Variants in CLIP2 observed in about 807,000 individuals in gnomAD.
CLIP2 encodes the protein CAP-Gly domain containing linker protein 2.
In CLIP2, 41 loss-of-function variants were observed where a neutral mutation model predicts 111.7. That is an observed-to-expected ratio of 0.37 (90% CI 0.29 to 0.48). The LOEUF (loss-of-function observed/expected upper bound fraction) is 0.48. Ranked by LOEUF, CLIP2 falls within the 20% of genes least tolerant of loss-of-function variation. The pLI, the probability that CLIP2 is intolerant of heterozygous loss-of-function variation, is 0.99. For synonymous variants in CLIP2, 660 were observed against 644.2 expected (o/e 1.02, Z -0.37); for missense variants, 1,160 against 1,422.1 (o/e 0.82, Z 2.96).
intron 2 of CLIP2, among the ~76,000 whole-genome samples, chr7:74,319,992 C>T (rs558410563): frequency 3.8e-4 from 58 of 150,906 alleles, no homozygotes; most frequent in South Asian, 1.0e-3. Flanking sequence ...GAGGCTGAGG[C>T]GGGAGGATCA....
At position 74,376,471 on chromosome 7, in the gene CLIP2, G is replaced by A; in HGVS notation, c.2070G>A (p.Gln690=). The change falls in exon 10 of 17, where the codon CAG becomes CAA. Residue 690 remains glutamine (Q), a synonymous_variant. Transcript: ENST00000223398. This position sits in a 1 kb window ranked among gnomAD's most constrained non-coding sequence, Gnocchi z 7.1. ...KEKEALREKL[Q]EAQEELAGLQ... is the part of the protein sequence containing the mutation. ...AGGAGGCCCTGCGAGAGAAGCTGCA[G>A]GAGGCCCAGGAGGAGCTGGCTGGGC... 6.2e-7 allele frequency: 1 copy of A among 1,613,210 alleles called. No individual in the cohort carries two copies. The highest frequency in any genetic ancestry group is 2.2e-5 in the East Asian group (1 of 44,862).
chr7:74,289,759 G>A (rs1787957335), intron 1 of CLIP2, 25 bp downstream of exon 1: 1 of 152,370 alleles, frequency 6.6e-6, no homozygotes. Flanking sequence ...AGGGGCCGAG[G>A]GAGGGGGTCG....
chr7:74,376,567 G>A lies in CLIP2; in HGVS notation c.2166G>A (p.Gln722=), dbSNP rs1790795881. ...ACCGGCTGGAGCTGCAGGAGGCCCA[G>A]GACCAGCGCCGGGATGCCGAGCTGC... ...SQHRLELQEA[Q]DQRRDAELRV... Residue 722 remains glutamine (Q), a synonymous_variant, in exon 10 of 17, where the codon CAG becomes CAA. Transcript: ENST00000223398. The surrounding 1 kb of genome is among the most constrained non-coding windows in gnomAD (Gnocchi z 7.1). 6 of 1,608,830 alleles carry A rather than the reference G, an allele frequency of 3.7e-6. No individual in the cohort carries two copies. In the East Asian group the frequency reaches 1.1e-4, roughly 30 times the overall value.
intron 6 of CLIP2, among the ~76,000 whole-genome samples, chr7:74,357,844 C>T (rs1790192765): frequency 6.6e-6 from 1 of 151,648 alleles, no homozygotes; most frequent in South Asian, 2.1e-4. Flanking sequence ...GCAACCTCCA[C>T]CTCCTCGGTT....
intron 7 of CLIP2, among the ~76,000 whole-genome samples, chr7:74,362,492 C>T (rs1247751975): frequency 3.3e-5 from 5 of 151,690 alleles, no homozygotes; most frequent in African/African-American, 9.7e-5. Flanking sequence ...ATGTGCCTGA[C>T]GCCAACAAAC....
intron 6 of CLIP2, among the ~76,000 whole-genome samples, chr7:74,358,998 T>G (rs1790234799): frequency 6.6e-6 from 1 of 152,174 alleles, no homozygotes; most frequent in Non-Finnish European, 1.5e-5. Flanking sequence ...AGAGTCTCGC[T>G]CTGTCACCCA....
chr7:74,385,464 CAA>C (rs147539922), intron 11 of CLIP2, among the ~76,000 whole-genome samples: 72 of 71,190 alleles, frequency 1.0e-3, no homozygotes, highest in Admixed American at 1.7e-3. Context: ...TAACCTGTCT[CAA>C]AAAAAAAAAA....
At chr7:74,392,800 A>G (rs1246303748) in intron 13 of CLIP2, among the ~76,000 whole-genome samples, 1 of 152,186 alleles carries the variant, frequency 6.6e-6, no homozygotes, top group Non-Finnish European at 1.5e-5. Context: ...CCTGGGCAAC[A>G]AGAGTGAAAC....
chr7:74,293,012 C>T (rs1554725603), intron 1 of CLIP2, among the ~76,000 whole-genome samples: 1 of 152,224 alleles, frequency 6.6e-6, no homozygotes, highest in East Asian at 1.9e-4. Context: ...CAGCTCTCCC[C>T]ATGCTCCCAG....
chr7:74,330,360 G>A (rs868978378), intron 2 of CLIP2, among the ~76,000 whole-genome samples: 14 of 150,342 alleles, frequency 9.3e-5, no homozygotes, highest in Admixed American at 3.3e-4. Context: ...AAGTTCAAGC[G>A]ATTCTCCTTC....
In CLIP2 at chr7:74,397,172, G is replaced by A. The variant is rs782038318; in HGVS notation, c.2819G>A (p.Arg940Gln). The A allele has an allele frequency of 1.1e-4, 177 of 1,613,792 alleles. 1 individual carries two copies. Among genetic ancestry groups the A allele is most frequent in the Non-Finnish European group, 6.7e-5 (79 of 1,180,002 alleles). ...LSREVHKAEWRIKEQKLKDDI... is the reference protein window; with the variant it reads ...LSREVHKAEWQIKEQKLKDDI... ...CGTGAGGTACACAAGGCTGAGTGGC[G>A]GATCAAGGAGCAGAAACTCAAGGAT... Residue 940 changes from arginine to glutamine, a missense_variant, in exon 14 of 17, where the codon CGG becomes CAG. Around this residue, in one of 5 missense-constraint regions of CLIP2, gnomAD observed 676 missense variants for 777.8 expected, o/e 0.87. Coordinates refer to ENST00000223398, the MANE Select transcript of CLIP2 (RefSeq NM_003388.5).
chr7:74,321,802 C>T (rs1359205312), intron 2 of CLIP2, among the ~76,000 whole-genome samples: 2 of 151,496 alleles, frequency 1.3e-5, no homozygotes, highest in African/African-American at 2.4e-5. Context: ...AAAAAATAAG[C>T]GTGCAGTGTT....
chr7:74,393,699 A>ATTTT (rs2116699227), intron 13 of CLIP2, among the ~76,000 whole-genome samples: 1 of 152,322 alleles, frequency 6.6e-6, no homozygotes, highest in African/African-American at 2.4e-5. Flanking sequence ...CTTTTGTAAA[A>ATTTT]GAAGAAATGC....
chr7:74,376,969 A>AGAG lies in CLIP2; in HGVS notation c.2421+157_2421+159dup. The AGAG allele has an allele frequency of 1.2e-6, 1 of 808,476 alleles. No individual in the cohort carries two copies. Among genetic ancestry groups the AGAG allele is most frequent in the Non-Finnish European group, 1.9e-6 (1 of 528,244 alleles). 50.1% of individuals were successfully genotyped at this position (808,476 alleles called of 1,614,324 possible). On this transcript the variant is annotated intron_variant, in intron 10 of 16. Coordinates refer to ENST00000223398, the MANE Select transcript of CLIP2 (RefSeq NM_003388.5). The surrounding 1 kb of genome is among the most constrained non-coding windows in gnomAD (Gnocchi z 7.1). ...AGTCAAGGAAGGGGTCACCTGGCTT[A>AGAG]GAGGAGGAGGAGCTCCTTGGCCCTC...
rs192162919 is a variant in CLIP2 at position 74,371,323 on chromosome 7, G to A, written c.1381-1609G>A. Among the ~76,000 whole-genome samples the A allele has an allele frequency of 1.4e-3, 209 of 151,400 alleles. 1 individual carries two copies. Among genetic ancestry groups the A allele is most frequent in the Middle Eastern group, 3.4e-3 (1 of 292 alleles). The stretch of plus-strand genomic sequence containing the variant: ...CGAATGAAGTTGCCCTTGAAATTGC[G>A]AAGCTGGAGGCTTTTTCTTGCCTGT... On this transcript the variant is annotated intron_variant, in intron 8 of 16. Coordinates refer to ENST00000223398, the MANE Select transcript of CLIP2 (RefSeq NM_003388.5).
intron 7 of CLIP2, among the ~76,000 whole-genome samples, chr7:74,362,522 T>C (rs1790359687): frequency 1.0e-5 from 1 of 96,266 alleles, no homozygotes; most frequent in African/African-American, 4.3e-5. Flanking sequence ...TTTTTCTTTT[T>C]CTTTTCTTTT....
intron 8 of CLIP2, among the ~76,000 whole-genome samples, chr7:74,368,990 T>C (rs1554311365): frequency 5.9e-5 from 9 of 151,808 alleles, no homozygotes. Context: ...GGTGGGAGGG[T>C]GGTCACTTGA....
At chr7:74,349,452 G>T (rs1405100834) in intron 3 of CLIP2, among the ~76,000 whole-genome samples, 2 of 58,838 alleles carry the variant, frequency 3.4e-5, no homozygotes, top group East Asian at 5.5e-4. Flanking sequence ...AAAAAAGTAT[G>T]TATGTGTGTG....
intron 2 of CLIP2, among the ~76,000 whole-genome samples, chr7:74,330,248 C>CTTTTTT (rs10635770): frequency 2.2e-5 from 3 of 136,464 alleles, no homozygotes; most frequent in South Asian, 2.3e-4. Context: ...TGTTTCTTTT[C>CTTTTTT]TTTTTTTTTT....
Sources: allele counts gnomAD v4.1 joint callset (sites outside exome capture counted in the v4.1 genomes callset), GRCh38; gene constraint gnomAD v4.1.1; regional missense constraint gnomAD v4.1.1; non-coding constraint Gnocchi (gnomAD v3.1); transcripts MANE v1.5; gene names NCBI Gene and HGNC (gene_info 2026-07-23, HGNC 2026-07-21).